The following ZNF536 variants were observed in gnomAD, a reference collection of about 807,000 sequenced individuals.
ZNF536 encodes zinc finger protein 536.
ZNF536 carries 13 observed loss-of-function variants against 84.5 expected under a neutral mutation model. The ratio of observed to expected loss-of-function variants is 0.15; its 90% CI spans 0.10 to 0.24. The LOEUF is 0.24. Ranked by LOEUF, ZNF536 falls within the 10% of genes least tolerant of loss-of-function variation. The pLI, the probability that ZNF536 is intolerant of heterozygous loss-of-function variation, is 1.00. For synonymous variants in ZNF536, 811 were observed against 742.5 expected, an observed-to-expected ratio of 1.09 and a Z score of -1.50; for missense variants, 1,536 against 1,747.5, an observed-to-expected ratio of 0.88 and a Z score of 2.16.
chr19:30,365,798 G>T (rs2048410219), intron 3 of ZNF536, among the ~76,000 whole-genome samples: 1 of 152,128 alleles, frequency 6.6e-6, no homozygotes, highest in Non-Finnish European at 1.5e-5. Flanking sequence ...TTTTAAGTAG[G>T]CACACTTTTT....
chr19:30,326,437 G>A (rs1431243638), intron 2 of ZNF536, among the ~76,000 whole-genome samples: 1 of 152,240 alleles, frequency 6.6e-6, no homozygotes, highest in Non-Finnish European at 1.5e-5. Context: ...TCTTTAAACA[G>A]CAATGTCCTC....
chr19:30,295,683 G>A (rs548159321), intron 2 of ZNF536, among the ~76,000 whole-genome samples: 4 of 152,240 alleles, frequency 2.6e-5, no homozygotes, highest in South Asian at 2.1e-4. Flanking sequence ...GGGTCATTCC[G>A]TGCACATCTG....
chr19:30,333,868 T>C (rs1287165935), intron 2 of ZNF536, among the ~76,000 whole-genome samples: 1 of 152,218 alleles, frequency 6.6e-6, no homozygotes, highest in Admixed American at 6.5e-5. Context: ...TAGGGGCTCA[T>C]TGTTGAGCCC....
At chr19:30,608,005 C>T (rs534241184) in intron 1 of ZNF536, among the ~76,000 whole-genome samples, 10 of 152,100 alleles carry the variant, frequency 6.6e-5, no homozygotes, top group Non-Finnish European at 1.3e-4. Flanking sequence ...TTGATGCTTA[C>T]CCATACAGGA....
intron 1 of ZNF536, among the ~76,000 whole-genome samples, chr19:30,630,972 C>T (rs914702168): frequency 2.0e-5 from 3 of 152,222 alleles, no homozygotes; most frequent in African/African-American, 2.4e-5. Flanking sequence ...TGTCTGCTGG[C>T]CGAGGCTCGC....
At chr19:30,338,797 A>T (rs1051986101) in intron 2 of ZNF536, among the ~76,000 whole-genome samples, 1 of 152,114 alleles carries the variant, frequency 6.6e-6, no homozygotes, top group East Asian at 1.9e-4. Context: ...ATTAGTTCTT[A>T]TTGGTTATTA....
chr19:30,311,044 C>T lies in ZNF536; in HGVS notation c.-120+26903C>T, dbSNP rs543614077. Among the ~76,000 whole-genome samples, 14 of 152,294 alleles carry T rather than the reference C, an allele frequency of 9.2e-5. No individual in the cohort carries two copies. In the East Asian group the frequency reaches 2.5e-3, roughly 27 times the overall value. Reference sequence around the variant, plus strand: ...GCCTGACGCTTGGATCCTGAGGGAGCCCTTGGTCCCTAGGGCCTGGAGGTG... The same window carrying T: ...GCCTGACGCTTGGATCCTGAGGGAGTCCTTGGTCCCTAGGGCCTGGAGGTG... On this transcript the variant is annotated intron_variant, in intron 2 of 5. Coordinates refer to the ZNF536 transcript ENST00000585628.
chr19:30,496,428 G>T (rs183584770), intron 2 of ZNF536, among the ~76,000 whole-genome samples: 1 of 152,268 alleles, frequency 6.6e-6, no homozygotes, highest in Admixed American at 6.5e-5. Context: ...AGTGTCTCCT[G>T]CCTGGGGACA....
chr19:30,318,025 G>T (rs2046736203), intron 2 of ZNF536, among the ~76,000 whole-genome samples: 1 of 152,184 alleles, frequency 6.6e-6, no homozygotes, highest in Admixed American at 6.5e-5. Context: ...GACTGGAGTT[G>T]GTGTCTAGCC....
chr19:30,531,034 T>C (rs1416577311), intron 2 of ZNF536, among the ~76,000 whole-genome samples: 1 of 152,180 alleles, frequency 6.6e-6, no homozygotes, highest in Non-Finnish European at 1.5e-5. Context: ...GGACACTTCC[T>C]GGGACCACCC....
At chr19:30,517,826 T>C (rs755239822) in intron 2 of ZNF536, among the ~76,000 whole-genome samples, 1 of 152,006 alleles carries the variant, frequency 6.6e-6, no homozygotes, top group Non-Finnish European at 1.5e-5. Flanking sequence ...AAAAAACAAA[T>C]TTAACACATG....
At chr19:30,307,616 C>T (rs991269675) in intron 2 of ZNF536, among the ~76,000 whole-genome samples, 9 of 152,124 alleles carry the variant, frequency 5.9e-5, no homozygotes, top group Admixed American at 3.9e-4. Flanking sequence ...TCTCCTGATA[C>T]GTCCCTCCTG....
chr19:30,287,019 G>A (rs1321049532), intron 2 of ZNF536, among the ~76,000 whole-genome samples: 1 of 152,232 alleles, frequency 6.6e-6, no homozygotes, highest in Non-Finnish European at 1.5e-5. Flanking sequence ...GGTGCAGGAA[G>A]CATTTTAGTG....
At chr19:30,563,894 C>T (rs531437477) in intron 1 of ZNF536, among the ~76,000 whole-genome samples, 1 of 152,304 alleles carries the variant, frequency 6.6e-6, no homozygotes, top group African/African-American at 2.4e-5. Context: ...CTGGGGCACA[C>T]AGGCCTGGAA....
chr19:30,711,620 T>C (rs974861421), exon 2 of ZNF536: 1 of 152,160 alleles, frequency 6.6e-6, no homozygotes, highest in South Asian at 2.1e-4. Context: ...AGGATTGAGA[T>C]CTTAAATGCG....
At chr19:30,481,685 A>G (rs1271556919) in intron 2 of ZNF536, among the ~76,000 whole-genome samples, 13 of 151,932 alleles carry the variant, frequency 8.6e-5, no homozygotes, top group African/African-American at 2.9e-4. Context: ...TTCATTTTTT[A>G]TTTCTATAGT....
At chr19:30,343,955 T>C (rs1346801571) in intron 2 of ZNF536, among the ~76,000 whole-genome samples, 1 of 152,060 alleles carries the variant, frequency 6.6e-6, no homozygotes, top group Non-Finnish European at 1.5e-5. Flanking sequence ...TCAGTCCTTT[T>C]TAAGGTAATA....
chr19:30,323,431 T>C (rs1329309297), intron 2 of ZNF536, among the ~76,000 whole-genome samples: 1 of 152,226 alleles, frequency 6.6e-6, no homozygotes, highest in Non-Finnish European at 1.5e-5. Flanking sequence ...ATAATTTTAT[T>C]CTTTTAAAGA....
chr19:30,582,805 C>T (rs750390213), intron 1 of ZNF536, among the ~76,000 whole-genome samples: 6 of 152,038 alleles, frequency 3.9e-5, no homozygotes, highest in Non-Finnish European at 7.4e-5. Flanking sequence ...TGTCGTGGGA[C>T]TTATTTGCTA....
Sources: gnomAD v4.1 joint callset for allele counts (sites outside exome capture counted in the v4.1 genomes callset) on GRCh38, gnomAD v4.1.1 for gene constraint, MANE v1.5 for transcripts, NCBI Gene and HGNC (gene_info 2026-07-23, HGNC 2026-07-21) for gene names.